The following GLIS3 variants were observed in gnomAD, a reference collection of about 807,000 sequenced individuals.
GLIS3 encodes the protein GLIS family zinc finger 3.
Under a neutral mutation model 78.6 loss-of-function variants are expected in GLIS3, and 53 were observed. The ratio of observed to expected loss-of-function variants is 0.67; its 90% CI spans 0.54 to 0.85. The LOEUF (loss-of-function observed/expected upper bound fraction) is 0.85, where lower values mean the gene tolerates loss of function less well. Ranked by LOEUF, GLIS3 falls within the 40% of genes least tolerant of loss-of-function variation. The probability of loss-of-function intolerance (pLI) is 0.00; values close to 1 mark genes in which losing one functional copy is unlikely to be tolerated. For missense variants in GLIS3, 1,703 were observed against 1,231.1 expected (o/e 1.38, Z -5.74); for synonymous variants, 684 against 509.9 (o/e 1.34, Z -4.60).
chr9:3,964,879 G>T (rs1004767867), intron 4 of GLIS3, among the ~76,000 whole-genome samples: 1 of 152,130 alleles, frequency 6.6e-6, no homozygotes, highest in East Asian at 1.9e-4. Context: ...AAAGAGAAAA[G>T]AAATGTTCCT....
intron 4 of GLIS3, among the ~76,000 whole-genome samples, chr9:4,059,710 G>A (rs1826463134): frequency 6.6e-6 from 1 of 152,008 alleles, no homozygotes; most frequent in African/African-American, 2.4e-5. Flanking sequence ...CTCTGACAAT[G>A]ATAGATTCCT....
chr9:4,485,421 G>A, the GLIS3 span, among the ~76,000 whole-genome samples: 3 of 152,074 alleles, frequency 2.0e-5, no homozygotes, highest in Admixed American at 6.5e-5. Context: ...CCCAGAGACC[G>A]ACTCTGCATA....
chr9:3,878,818 G>A (rs948339437), intron 8 of GLIS3: 3 of 157,408 alleles, frequency 1.9e-5, no homozygotes, highest in African/African-American at 7.3e-5. Context: ...GAAGGAGATG[G>A]AGAAGCAAGA....
chr9:4,023,335 T>A (rs1465030344), intron 4 of GLIS3, among the ~76,000 whole-genome samples: 1 of 152,134 alleles, frequency 6.6e-6, no homozygotes, highest in East Asian at 1.9e-4. Context: ...ATTCAGAAAA[T>A]TTAAACAAAA....
At chr9:4,372,478 C>T in the GLIS3 span, among the ~76,000 whole-genome samples, 5 of 149,844 alleles carry the variant, frequency 3.3e-5, 1 homozygote, top group Middle Eastern at 0.01. Context: ...AGTCCAGAGT[C>T]GATACTTCAA....
At chr9:4,069,163 C>A (rs1367721344) in intron 4 of GLIS3, among the ~76,000 whole-genome samples, 1 of 152,094 alleles carries the variant, frequency 6.6e-6, no homozygotes, top group Non-Finnish European at 1.5e-5. Context: ...AGGAACCTGC[C>A]GAGCAGAGGA....
chr9:4,022,779 T>C (rs967460101), intron 4 of GLIS3, among the ~76,000 whole-genome samples: 3 of 152,230 alleles, frequency 2.0e-5, no homozygotes, highest in Admixed American at 2.0e-4. Flanking sequence ...CATGGATGAA[T>C]ATCCCAAGGT....
At chr9:4,447,639 T>C in the GLIS3 span, among the ~76,000 whole-genome samples, 1 of 152,204 alleles carries the variant, frequency 6.6e-6, no homozygotes, top group Non-Finnish European at 1.5e-5. Flanking sequence ...TGAACCTCAG[T>C]CTGCTTCTAG....
intron 4 of GLIS3, among the ~76,000 whole-genome samples, chr9:4,114,013 C>A (rs1306119994): frequency 1.2e-5 from 1 of 80,844 alleles, no homozygotes; most frequent in Non-Finnish European, 2.5e-5. Flanking sequence ...AAAATTTAAG[C>A]GGAGGCCCAC....
At chr9:4,292,742 T>C (rs922131423) in intron 1 of GLIS3, among the ~76,000 whole-genome samples, 2 of 152,218 alleles carry the variant, frequency 1.3e-5, no homozygotes, top group African/African-American at 4.8e-5. Context: ...ATCTTTTTCA[T>C]TGCAGGGGAT....
chr9:4,365,267 G>A, the GLIS3 span, among the ~76,000 whole-genome samples: 2 of 152,152 alleles, frequency 1.3e-5, no homozygotes, highest in African/African-American at 4.8e-5. Context: ...ATGCAAATTA[G>A]AAAGATCAAA....
chr9:4,138,122 G>A (rs1209378906), intron 2 of GLIS3, among the ~76,000 whole-genome samples: 1 of 152,136 alleles, frequency 6.6e-6, no homozygotes, highest in Non-Finnish European at 1.5e-5. Context: ...AATTTAATAG[G>A]CTTAGATCAA....
chr9:4,185,301 T>C (rs1410058874), intron 2 of GLIS3, among the ~76,000 whole-genome samples: 1 of 152,220 alleles, frequency 6.6e-6, no homozygotes, highest in African/African-American at 2.4e-5. Context: ...TATTTTTTAT[T>C]GCTGAATAGT....
chr9:4,326,907 T>C (rs918476562), intron 2 of GLIS3, among the ~76,000 whole-genome samples: 26 of 152,180 alleles, frequency 1.7e-4, no homozygotes, highest in African/African-American at 5.8e-4. Flanking sequence ...AGCAAGGTTT[T>C]TCCTTCTCAC....
At chr9:4,011,556 C>G (rs1478929268) in intron 4 of GLIS3, among the ~76,000 whole-genome samples, 1 of 152,190 alleles carries the variant, frequency 6.6e-6, no homozygotes, top group Non-Finnish European at 1.5e-5. Context: ...CACAAAGGGT[C>G]TAGAATACAA....
At chr9:4,328,314 TC>T (rs35122911) in intron 2 of GLIS3, among the ~76,000 whole-genome samples, 2 of 152,010 alleles carry the variant, frequency 1.3e-5, no homozygotes, top group Non-Finnish European at 2.9e-5. Context: ...TGGTCACAGC[TC>T]CCCCTGAAGT....
intron 2 of GLIS3, among the ~76,000 whole-genome samples, chr9:4,131,838 C>A (rs977659214): frequency 6.6e-6 from 1 of 152,010 alleles, no homozygotes; most frequent in African/African-American, 2.4e-5. Context: ...CTATCAAGCA[C>A]GCAGTAGGTA....
At chr9:4,421,868 A>C in the GLIS3 span, among the ~76,000 whole-genome samples, 2 of 152,236 alleles carry the variant, frequency 1.3e-5, no homozygotes, top group African/African-American at 2.4e-5. Context: ...GATGCCCCCT[A>C]GAATGCATGG....
chr9:3,972,061 A>G (rs749501564), intron 4 of GLIS3, among the ~76,000 whole-genome samples: 3 of 152,184 alleles, frequency 2.0e-5, no homozygotes, highest in Non-Finnish European at 4.4e-5. Context: ...CTAGCGTGTT[A>G]GCATTTCGTA....
Sources: allele counts gnomAD v4.1 joint callset (sites outside exome capture counted in the v4.1 genomes callset), GRCh38; gene constraint gnomAD v4.1.1; transcripts MANE v1.5; gene names NCBI Gene and HGNC (gene_info 2026-07-23, HGNC 2026-07-21).